The following MACF1 variants were observed in gnomAD, a reference collection of about 807,000 sequenced individuals.
MACF1 encodes the protein microtubule actin crosslinking factor 1, also known as microtubule-actin cross-linking factor 1.
In MACF1, 193 loss-of-function variants were observed where a neutral mutation model predicts 854.8. The ratio of observed to expected loss-of-function variants is 0.23; its 90% CI spans 0.20 to 0.25. The LOEUF (loss-of-function observed/expected upper bound fraction) is 0.25, where lower values mean the gene tolerates loss of function less well. MACF1 is among the 10% of genes least tolerant of loss of function. The pLI, the probability that MACF1 is intolerant of heterozygous loss-of-function variation, is 1.00. For synonymous variants in MACF1, 3,185 were observed against 3,226.7 expected (o/e 0.99, Z 0.44); for missense variants, 7,722 against 8,929.1 (o/e 0.86, Z 5.45).
intron 58 of MACF1, among the ~76,000 whole-genome samples, chr1:39,404,695 G>A (rs1209510289): frequency 5.3e-5 from 8 of 151,906 alleles, no homozygotes; most frequent in Admixed American, 2.6e-4. Flanking sequence ...ATGTTGCTTC[G>A]GCTAGTCTTG....
chr1:39,106,790 C>T (rs930233555), intron 2 of MACF1, among the ~76,000 whole-genome samples: 22 of 137,586 alleles, frequency 1.6e-4, no homozygotes, highest in African/African-American at 5.8e-4. Context: ...AAACGCCCCC[C>T]CTCTCCCCCC....
chr1:39,311,105 A>G (rs1646291068), intron 26 of MACF1, 105 bp downstream of exon 26: 2 of 1,268,888 alleles, frequency 1.6e-6, no homozygotes, highest in African/African-American at 3.0e-5. Flanking sequence ...TAGACTCAAG[A>G]CAGTCCTTCT....
chr1:39,393,197 ATAT>A lies in MACF1; in HGVS notation c.15816+4540_15816+4542del, dbSNP rs1341733343. On this transcript the variant is annotated intron_variant, in intron 58 of 100. Transcript: ENST00000564288. ...TGGGAAGGGTAAAAAAAAAAAAAAA[ATAT>A]ATATATATATATATATATATATATG... 3.7e-3 allele frequency among the ~76,000 whole-genome samples: 174 copies of A among 47,144 alleles called. 2 individuals carry two copies. Among genetic ancestry groups the A allele is most frequent in the African/African-American group, 0.013 (158 of 11,828 alleles). The allele number at this position is 47,144 out of a possible 152,430, so 30.9% of individuals were successfully genotyped here.
At chr1:39,106,273 C>T (rs749961050) in intron 2 of MACF1, among the ~76,000 whole-genome samples, 4 of 152,106 alleles carry the variant, frequency 2.6e-5, no homozygotes, top group Non-Finnish European at 4.4e-5. Context: ...GACCTTACCC[C>T]CTCCATCTCC....
intron 36 of MACF1, among the ~76,000 whole-genome samples, chr1:39,330,841 G>T (rs1313434837): frequency 6.9e-6 from 1 of 145,406 alleles, no homozygotes. Context: ...TCGCTCTGTT[G>T]CCCAGGCTGG....
At chr1:39,189,000 AG>A (rs1644213268) in intron 2 of MACF1, among the ~76,000 whole-genome samples, 1 of 152,166 alleles carries the variant, frequency 6.6e-6, no homozygotes, top group African/African-American at 2.4e-5. Flanking sequence ...GGCCTCCCAA[AG>A]TGTTAGGATT....
intron 28 of MACF1, 105 bp from the exon 29 acceptor site, chr1:39,317,109 A>T: frequency 8.7e-7 from 1 of 1,144,152 alleles, no homozygotes; most frequent in Non-Finnish European, 1.2e-6. Flanking sequence ...AATCACATAT[A>T]CAATGTGGAA....
intron 2 of MACF1, among the ~76,000 whole-genome samples, chr1:39,197,264 C>T (rs1571162119): frequency 1.3e-5 from 2 of 151,956 alleles, no homozygotes; most frequent in East Asian, 3.9e-4. Flanking sequence ...CACACACAAG[C>T]TGCAGATAGG....
intron 2 of MACF1, among the ~76,000 whole-genome samples, chr1:39,170,783 C>T (rs757634663): frequency 3.9e-5 from 6 of 152,104 alleles, no homozygotes; most frequent in Non-Finnish European, 8.8e-5. Context: ...AGCAAAGCAC[C>T]TAATATTGGA....
chr1:39,350,914 C>T lies in MACF1; in HGVS notation c.11095C>T (p.His3699Tyr), dbSNP rs201516371. 1.3e-5 allele frequency: 21 copies of T among 1,614,130 alleles called. No individual in the cohort carries two copies. The East Asian group carries it at 4.5e-4, about 34-fold the overall frequency. Residue 3699 changes from histidine to tyrosine, a missense_variant, in exon 43 of 101, where the codon CAT (histidine) becomes TAT (tyrosine). Transcript: ENST00000564288. ...GTTGACAGCTCTTCGGGAAAAGCTTCATCAGGCTAAGGAGCAATATGAGGC... is the reference window on the plus strand; with the variant it reads ...GTTGACAGCTCTTCGGGAAAAGCTTTATCAGGCTAAGGAGCAATATGAGGC... ...RELTALREKL[H>Y]QAKEQYEALQ...
At chr1:39,186,871 G>T (rs924707577) in intron 2 of MACF1, among the ~76,000 whole-genome samples, 6 of 151,818 alleles carry the variant, frequency 4.0e-5, no homozygotes, top group Non-Finnish European at 8.8e-5. Context: ...TGGCCTCCCA[G>T]AGTGCTGGGA....
At chr1:39,245,423 G>A (rs1024032517) in intron 2 of MACF1, among the ~76,000 whole-genome samples, 1 of 152,140 alleles carries the variant, frequency 6.6e-6, no homozygotes, top group Non-Finnish European at 1.5e-5. Context: ...TGGGACTACA[G>A]GCATGTGCCG....
rs190023668 is a variant in MACF1 at position 39,411,842 on chromosome 1, T to C, written c.15817-10532T>C. On this transcript the variant is annotated intron_variant, in intron 58 of 100. Coordinates refer to ENST00000564288, the MANE Select transcript of MACF1 (RefSeq NM_001394062.1). The stretch of plus-strand genomic sequence containing the variant: ...GAACAGCATTTAGGCCTTTTACATG[T>C]AAGGGCAAAAGATTATGATACTAGA... 1.9e-4 allele frequency: 301 copies of C among 1,613,922 alleles called. 1 individual carries two copies. In the African/African-American group the frequency reaches 3.1e-3, roughly 17 times the overall value.
chr1:39,287,708 T>A (rs1333369886), intron 15 of MACF1, 146 bp downstream of exon 15: 2 of 923,784 alleles, frequency 2.2e-6, no homozygotes, highest in South Asian at 3.4e-5. Context: ...GGTCTTGCTA[T>A]GTTGCCCAGG....
rs1338912911 is a variant in MACF1 at position 39,105,144 on chromosome 1, G to A, written c.220+20706G>A. 6.6e-6 allele frequency among the ~76,000 whole-genome samples: 1 copy of A among 151,956 alleles called. No homozygotes were observed. The highest frequency in any genetic ancestry group is 1.9e-4 in the East Asian group (1 of 5,172). ...GGACTCCCGCGTGGGCCGGCCTCTC[G>A]CGCCCCTCGGCTCGGGCCCCAGTCC... On this transcript the variant is annotated intron_variant, in intron 2 of 93. Transcript: ENST00000361689. This position sits in a 1 kb window ranked among gnomAD's most constrained non-coding sequence, Gnocchi z 5.9.
chr1:39,409,993 A>G lies in MACF1; in HGVS notation c.15817-12381A>G, dbSNP rs924830191. On this transcript the variant is annotated intron_variant, in intron 58 of 100. Coordinates refer to ENST00000564288, the MANE Select transcript of MACF1 (RefSeq NM_001394062.1). This position sits in a 1 kb window ranked among gnomAD's most constrained non-coding sequence, Gnocchi z 4.2. ...ATTTGAAAGAGCAGTGCTCTTAAAA[A>G]AAATTAAACCATAAGCCATACAAGG... 3 of 351,784 alleles carry G rather than the reference A, an allele frequency of 8.5e-6. No homozygotes were observed. Among genetic ancestry groups the G allele is most frequent in the Non-Finnish European group, 1.5e-5 (3 of 196,354 alleles). 21.8% of individuals were successfully genotyped at this position (351,784 alleles called of 1,614,324 possible).
chr1:39,258,512 C>T (rs1645121240), intron 6 of MACF1, among the ~76,000 whole-genome samples: 1 of 152,240 alleles, frequency 6.6e-6, no homozygotes. Context: ...CTGGCAAGCA[C>T]AACCTTGCAG....
At position 39,434,620 on chromosome 1, in the gene MACF1, A is replaced by G. The variant is rs762298413; in HGVS notation, c.17772A>G (p.Gln5924=). The G allele has an allele frequency of 1.9e-6, 3 of 1,614,112 alleles. No homozygotes were observed. Among genetic ancestry groups the G allele is most frequent in the East Asian group, 2.2e-5 (1 of 44,880 alleles). Residue 5924 remains glutamine, a synonymous_variant, in exon 69 of 101, where the codon CAA becomes CAG. Transcript: ENST00000564288. ...AIDHEQLRQQ[Q]EEMRQLRESI... Reference sequence around the variant, plus strand: ...ATCATGAGCAGCTCAGGCAGCAACAAGAGGAAATGAGGGTAAGGAGCATGC... The same window carrying G: ...ATCATGAGCAGCTCAGGCAGCAACAGGAGGAAATGAGGGTAAGGAGCATGC...
chr1:39,346,741 C>A (rs1249929625), intron 40 of MACF1, among the ~76,000 whole-genome samples: 1 of 151,938 alleles, frequency 6.6e-6, no homozygotes, highest in Non-Finnish European at 1.5e-5. Context: ...GGATGGTCTC[C>A]ATCTCCTGAC....
Sources: gnomAD v4.1 joint callset for allele counts (sites outside exome capture counted in the v4.1 genomes callset) on GRCh38, gnomAD v4.1.1 for gene constraint, Gnocchi (gnomAD v3.1) non-coding constraint, MANE v1.5 for transcripts, NCBI Gene and HGNC (gene_info 2026-07-23, HGNC 2026-07-21) for gene names.